The following PGR variants were observed in gnomAD, a reference collection of about 807,000 sequenced individuals.
PGR encodes progesterone receptor, also known as nuclear receptor subfamily 3 group C member 3.
PGR carries 25 observed loss-of-function variants against 76.1 expected under a neutral mutation model. That is an observed-to-expected ratio of 0.33 (90% CI 0.24 to 0.46). PGR has a LOEUF of 0.46. PGR is among the 20% of genes least tolerant of loss of function. The pLI is 1.00. For missense variants in PGR, 1,172 were observed against 1,225.3 expected, an observed-to-expected ratio of 0.96 and a Z score of 0.65; for synonymous variants, 579 against 535.0, an observed-to-expected ratio of 1.08 and a Z score of -1.14.
intron 3 of PGR, among the ~76,000 whole-genome samples, chr11:101,084,917 T>C (rs913524693): frequency 1.3e-5 from 2 of 152,142 alleles, no homozygotes; most frequent in African/African-American, 2.4e-5. Context: ...GATTTAACTA[T>C]CCTAAATACA....
chr11:101,114,241 A>G (rs1862432737), intron 2 of PGR, among the ~76,000 whole-genome samples: 1 of 152,182 alleles, frequency 6.6e-6, no homozygotes, highest in Non-Finnish European at 1.5e-5. Context: ...ACCAGACTGC[A>G]TTTCTGCAAC....
chr11:101,121,859 A>C (rs1404785171), intron 2 of PGR, among the ~76,000 whole-genome samples: 1 of 152,216 alleles, frequency 6.6e-6, no homozygotes, highest in Non-Finnish European at 1.5e-5. Context: ...ATGAACAATT[A>C]ATATATGAAT....
At position 101,127,463 on chromosome 11, in the gene PGR, C is replaced by T. The variant is rs1040893370; in HGVS notation, c.1608G>A (p.Gln536=). Residue 536 remains glutamine (Q), a synonymous_variant, in exon 1 of 8, where the codon CAG becomes CAA. Coordinates refer to ENST00000325455, the MANE Select transcript of PGR (RefSeq NM_000926.4). ...QAAVLKEGLP[Q]VYPPYLNYLR... is the part of the protein sequence containing the mutation. ...GGTAGTTGAGATAGGGCGGGTAGAC[C>T]TGCGGCAGGCCCTCCTTGAGCACGG... 3.2e-6 allele frequency: 5 copies of T among 1,560,514 alleles called. No homozygotes were observed. Among genetic ancestry groups the T allele is most frequent in the Non-Finnish European group, 4.3e-6 (5 of 1,156,262 alleles).
intron 2 of PGR, among the ~76,000 whole-genome samples, chr11:101,122,227 C>A (rs1192157574): frequency 6.6e-6 from 1 of 150,928 alleles, no homozygotes; most frequent in Non-Finnish European, 1.5e-5. Flanking sequence ...AGCTTAGTGT[C>A]TTCTAAGTAA....
At position 101,127,574 on chromosome 11, in the gene PGR, G is replaced by A. The variant is rs1187666988; in HGVS notation, c.1497C>T (p.Ser499=). The A allele has an allele frequency of 3.7e-5, 50 of 1,360,094 alleles. No homozygotes were observed. In the East Asian group the frequency reaches 1.5e-3, roughly 42 times the overall value. 84.3% of individuals were successfully genotyped at this position (1,360,094 alleles called of 1,614,324 possible). Residue 499 remains serine, a synonymous_variant, in exon 1 of 8, where the codon TCC becomes TCT. Transcript: ENST00000325455. ...CCGCCCCGGCGGCGGCGGCAGAGGCGGAGGTGGAGGGCAGGCCGTCCCGCG... is the reference window on the plus strand; with the variant it reads ...CCGCCCCGGCGGCGGCGGCAGAGGCAGAGGTGGAGGGCAGGCCGTCCCGCG... ...LLPRDGLPST[S]ASAAAAGAAP...
intron 2 of PGR, among the ~76,000 whole-genome samples, chr11:101,119,608 T>A (rs1862612401): frequency 6.6e-6 from 1 of 152,178 alleles, no homozygotes; most frequent in South Asian, 2.1e-4. Context: ...AAGGGTTTCC[T>A]GTTATAAAGG....
intron 7 of PGR, chr11:101,041,640 A>G (rs956591578): frequency 3.2e-6 from 1 of 314,952 alleles, no homozygotes; most frequent in African/African-American, 2.2e-5. Flanking sequence ...TACTGTATAT[A>G]TAAAATCTTT....
chr11:101,127,906 C>T lies in PGR; in HGVS notation c.1165G>A (p.Glu389Lys), dbSNP rs767094365. ...GAGGCCTCCGCGCCTTCCTCCTCCT[C>T]CTTTATCTTTAGAGCGGGCGGCTGG... The part of the protein sequence containing the change: ...DFQPPALKIK[E>K]EEEGAEASAR... Residue 389 changes from glutamate (E) to lysine (K), a missense_variant, in exon 1 of 8, where the codon GAG (glutamate) becomes AAG (lysine). By Grantham distance (56) the Glu-to-Lys change is moderately conservative. Around this residue, in one of 4 missense-constraint regions of PGR, gnomAD observed 893 missense variants for 785.9 expected, o/e 1.14. Transcript: ENST00000325455. 2 of 1,610,506 alleles carry T rather than the reference C, an allele frequency of 1.2e-6. No homozygotes were observed. The highest frequency in any genetic ancestry group is 2.2e-5 in the South Asian group (2 of 91,064).
At chr11:101,044,238 G>C (rs913300449) in intron 6 of PGR, among the ~76,000 whole-genome samples, 18 of 152,122 alleles carry the variant, frequency 1.2e-4, no homozygotes, top group African/African-American at 4.3e-4. Flanking sequence ...ATCAGCACTT[G>C]CTGCTTCACC....
intron 2 of PGR, among the ~76,000 whole-genome samples, chr11:101,118,551 G>A (rs914028188): frequency 2.6e-5 from 4 of 152,068 alleles, no homozygotes; most frequent in African/African-American, 9.7e-5. Flanking sequence ...TCCTTAAAAT[G>A]TCATATAAAG....
At chr11:101,055,749 T>A (rs1032261253) in intron 4 of PGR, among the ~76,000 whole-genome samples, 1 of 152,200 alleles carries the variant, frequency 6.6e-6, no homozygotes, top group Non-Finnish European at 1.5e-5. Context: ...ATGTTTACAT[T>A]CACTTTATCC....
chr11:101,116,599 G>T (rs963226469), intron 2 of PGR, among the ~76,000 whole-genome samples: 1 of 152,082 alleles, frequency 6.6e-6, no homozygotes, highest in African/African-American at 2.4e-5. Context: ...AATTAGCTGG[G>T]CATGGTGGTG....
intron 3 of PGR, among the ~76,000 whole-genome samples, chr11:101,067,855 T>C (rs1396801807): frequency 6.6e-6 from 1 of 152,016 alleles, no homozygotes; most frequent in Non-Finnish European, 1.5e-5. Flanking sequence ...TAAATATACA[T>C]AGCATTTCTA....
rs1472063446 is a variant in PGR, at chr11:101,033,149, C to G, written c.*5967G>C. 4.8e-6 allele frequency: 1 copy of G among 208,920 alleles called. No homozygotes were observed. The highest frequency in any genetic ancestry group is 9.7e-6 in the Non-Finnish European group (1 of 102,648). The allele number at this position is 208,920 out of a possible 1,614,324, so 12.9% of individuals were successfully genotyped here. ...GTTAAAATACACAGAATACTAAGAT[C>G]AAAAGGAGATACTTTACTGGCTAAA... On this transcript the variant is annotated 3_prime_UTR_variant, in exon 8 of 8. Coordinates refer to ENST00000325455, the MANE Select transcript of PGR (RefSeq NM_000926.4).
intron 2 of PGR, among the ~76,000 whole-genome samples, chr11:101,097,038 TCTAG>T (rs1861855841): frequency 6.6e-6 from 1 of 152,174 alleles, no homozygotes; most frequent in Non-Finnish European, 1.5e-5. Flanking sequence ...GGAGCCACTA[TCTAG>T]CTCTCTCCCT....
intron 5 of PGR, 88 bp from the exon 6 acceptor site, chr11:101,050,147 G>C: frequency 7.4e-7 from 1 of 1,351,134 alleles, no homozygotes; most frequent in Non-Finnish European, 1.0e-6. Flanking sequence ...AGGGAATATG[G>C]TTTTGGTAAT....
intron 1 of PGR, 131 bp from the exon 2 acceptor site, chr11:101,126,289 G>A (rs1222277103): frequency 1.2e-6 from 1 of 829,412 alleles, no homozygotes; most frequent in Admixed American, 2.0e-5. Context: ...ACACTTGAAA[G>A]ACATGCAAAC....
chr11:101,116,086 G>A (rs140238377), intron 2 of PGR, among the ~76,000 whole-genome samples: 63 of 152,254 alleles, frequency 4.1e-4, no homozygotes, highest in East Asian at 4.1e-3. Flanking sequence ...ACAAATTCAC[G>A]TCAGGTTAGG....
intron 3 of PGR, among the ~76,000 whole-genome samples, chr11:101,085,762 G>C (rs1156272875): frequency 6.6e-6 from 1 of 151,966 alleles, no homozygotes; most frequent in Non-Finnish European, 1.5e-5. Context: ...TGACAAAGGT[G>C]ACATCACAAC....
Sources: gnomAD v4.1 joint callset for allele counts (sites outside exome capture counted in the v4.1 genomes callset) on GRCh38, gnomAD v4.1.1 for gene constraint, gnomAD v4.1.1 regional missense constraint, MANE v1.5 for transcripts, NCBI Gene and HGNC (gene_info 2026-07-23, HGNC 2026-07-21) for gene names.